The following GPC5 variants were observed in gnomAD, a reference collection of about 807,000 sequenced individuals.
The protein encoded by GPC5 is glypican 5, also known as glypican-5.
Under a neutral mutation model 53.9 loss-of-function variants are expected in GPC5, and 47 were observed. The ratio of observed to expected loss-of-function variants is 0.87; its 90% CI spans 0.69 to 1.11. The LOEUF is 1.11. GPC5 is among the 50% of genes most tolerant of loss of function. GPC5 has a pLI of 0.00. For synonymous variants in GPC5, 286 were observed against 263.3 expected (o/e 1.09, Z -0.84); for missense variants, 748 against 713.1 (o/e 1.05, Z -0.56).
chr13:91,891,045 G>A (rs1041919588), intron 5 of GPC5, among the ~76,000 whole-genome samples: 2 of 152,140 alleles, frequency 1.3e-5, no homozygotes, highest in Non-Finnish European at 2.9e-5. Context: ...AACTTACAGG[G>A]TATCAAGAAC....
chr13:91,577,095 C>G (rs16946237), intron 2 of GPC5, among the ~76,000 whole-genome samples: 8,954 of 152,188 alleles, frequency 0.059, 881 homozygotes, highest in African/African-American at 0.2. Flanking sequence ...TCCTAAAATA[C>G]TGTGAACAGA....
chr13:92,623,948 G>A (rs780207145), intron 7 of GPC5, among the ~76,000 whole-genome samples: 5 of 151,770 alleles, frequency 3.3e-5, no homozygotes, highest in African/African-American at 7.2e-5. Flanking sequence ...TCTGCCTCCC[G>A]GGTTCAAGCG....
intron 6 of GPC5, among the ~76,000 whole-genome samples, chr13:91,941,094 G>A (rs766958400): frequency 4.6e-5 from 7 of 151,884 alleles, no homozygotes; most frequent in Non-Finnish European, 1.0e-4. Context: ...AGGGTATCAC[G>A]TACATTTTCT....
At chr13:91,828,384 T>A (rs201215760) in intron 5 of GPC5, among the ~76,000 whole-genome samples, 2 of 139,224 alleles carry the variant, frequency 1.4e-5, no homozygotes, top group Admixed American at 1.5e-4. Flanking sequence ...GGTAGGTAGG[T>A]AGGAAGGAAG....
chr13:92,635,614 T>C (rs1885385015), intron 7 of GPC5, among the ~76,000 whole-genome samples: 1 of 152,188 alleles, frequency 6.6e-6, no homozygotes. Flanking sequence ...CTCACCACTG[T>C]AGCATTCGGG....
At chr13:92,671,249 A>C (rs1886740991) in intron 7 of GPC5, among the ~76,000 whole-genome samples, 1 of 152,306 alleles carries the variant, frequency 6.6e-6, no homozygotes, top group East Asian at 1.9e-4. Flanking sequence ...CCAGCCTTGA[A>C]GGGAAGGCCT....
At chr13:92,620,984 C>T (rs1381986107) in intron 7 of GPC5, among the ~76,000 whole-genome samples, 1 of 152,146 alleles carries the variant, frequency 6.6e-6, no homozygotes, top group Non-Finnish European at 1.5e-5. Context: ...TCTTGTAAAT[C>T]AAAACACAGT....
intron 5 of GPC5, among the ~76,000 whole-genome samples, chr13:91,773,935 T>C (rs1323793798): frequency 6.6e-6 from 1 of 152,212 alleles, no homozygotes; most frequent in Non-Finnish European, 1.5e-5. Flanking sequence ...TATTATTTAC[T>C]TATCTTAAAA....
chr13:92,239,498 T>C (rs866783501), intron 7 of GPC5, among the ~76,000 whole-genome samples: 19 of 152,146 alleles, frequency 1.2e-4, no homozygotes, highest in Non-Finnish European at 2.4e-4. Flanking sequence ...TTGGTTCCAA[T>C]ATATACAACA....
intron 7 of GPC5, among the ~76,000 whole-genome samples, chr13:92,192,477 G>A (rs551377046): frequency 3.0e-4 from 45 of 152,234 alleles, no homozygotes; most frequent in African/African-American, 1.0e-3. Context: ...GGTTTAGTAA[G>A]TAAAAATAAA....
intron 7 of GPC5, among the ~76,000 whole-genome samples, chr13:92,564,764 G>A (rs887488733): frequency 6.6e-6 from 1 of 152,000 alleles, no homozygotes; most frequent in African/African-American, 2.4e-5. Context: ...CGGCAGGTAA[G>A]AACATGTGGA....
At chr13:92,743,428 T>C (rs560581173) in intron 7 of GPC5, among the ~76,000 whole-genome samples, 2 of 152,300 alleles carry the variant, frequency 1.3e-5, no homozygotes, top group Admixed American at 6.5e-5. Context: ...TTTTTGCACA[T>C]TGATTTTGTA....
intron 2 of GPC5, among the ~76,000 whole-genome samples, chr13:91,679,648 G>A (rs2035462230): frequency 6.6e-6 from 1 of 152,108 alleles, no homozygotes; most frequent in African/African-American, 2.4e-5. Flanking sequence ...AAATTAAATT[G>A]GTGGCATCAA....
intron 7 of GPC5, among the ~76,000 whole-genome samples, chr13:92,552,112 G>A (rs1385984378): frequency 6.6e-6 from 1 of 151,832 alleles, no homozygotes; most frequent in Non-Finnish European, 1.5e-5. Context: ...TGAGAATTTG[G>A]TGTAATATTT....
chr13:91,619,817 T>C (rs1432578008), intron 2 of GPC5, among the ~76,000 whole-genome samples: 1 of 152,114 alleles, frequency 6.6e-6, no homozygotes, highest in Non-Finnish European at 1.5e-5. Context: ...CTATGCTCAG[T>C]GGTGTGTATT....
At chr13:92,335,227 T>C (rs891330558) in intron 7 of GPC5, among the ~76,000 whole-genome samples, 8 of 152,114 alleles carry the variant, frequency 5.3e-5, no homozygotes, top group Non-Finnish European at 1.2e-4. Context: ...TCAAATCTTG[T>C]CATCTGTATA....
At position 92,068,389 on chromosome 13, in the gene GPC5, T is replaced by G. The variant is rs532744760; in HGVS notation, c.1402-76441T>G. ...CTCATATTGTAACCGGTGATCCTGA[T>G]AGCTATATTTAGTTATTAGTTCTAA... is the stretch of plus-strand genomic sequence containing the variant. On this transcript the variant is annotated intron_variant, in intron 6 of 7. Transcript: ENST00000377067. 4.6e-5 allele frequency among the ~76,000 whole-genome samples: 7 copies of G among 151,940 alleles called. No individual in the cohort carries two copies. In the East Asian group the frequency reaches 1.4e-3, roughly 29 times the overall value.
chr13:92,608,356 A>G (rs1251343952), intron 7 of GPC5, among the ~76,000 whole-genome samples: 3 of 152,192 alleles, frequency 2.0e-5, no homozygotes, highest in Non-Finnish European at 1.5e-5. Context: ...TATTTGACCA[A>G]CTGAGCTTGG....
chr13:92,360,486 TA>T (rs1437148316), intron 7 of GPC5, among the ~76,000 whole-genome samples: 18 of 151,618 alleles, frequency 1.2e-4, no homozygotes, highest in African/African-American at 4.4e-4. Context: ...CTCAAATTAA[TA>T]AGGGCCTTAT....
Sources: allele counts gnomAD v4.1 joint callset (sites outside exome capture counted in the v4.1 genomes callset), GRCh38; gene constraint gnomAD v4.1.1; transcripts MANE v1.5; gene names NCBI Gene and HGNC (gene_info 2026-07-23, HGNC 2026-07-21).